The following PCDHA1 variants were observed in gnomAD, a reference collection of about 807,000 sequenced individuals.
PCDHA1 encodes the protein protocadherin alpha-1.
In PCDHA1, 42 loss-of-function variants were observed where a neutral mutation model predicts 61.3. The observed-to-expected ratio is 0.69, with a 90% CI of 0.54 to 0.89. PCDHA1 has a LOEUF of 0.89. PCDHA1 is among the 40% of genes least tolerant of loss of function. The pLI, the probability that PCDHA1 is intolerant of heterozygous loss-of-function variation, is 0.00. For synonymous variants in PCDHA1, 610 were observed against 553.8 expected (o/e 1.10, Z -1.43); for missense variants, 1,256 against 1,235.3 (o/e 1.02, Z -0.25).
Position 140,988,156 on chromosome 5 carries a change from C to T in PCDHA1, c.2542+5593C>T, listed in dbSNP as rs546335543. Among the ~76,000 whole-genome samples, 7 of 152,172 alleles carry T rather than the reference C, an allele frequency of 4.6e-5. No individual in the cohort carries two copies. The South Asian group carries it at 1.5e-3, about 32-fold the overall frequency. On this transcript the variant is annotated intron_variant, in intron 3 of 3. Coordinates refer to ENST00000504120, the MANE Select transcript of PCDHA1 (RefSeq NM_018900.4). ...TAACCTGTTCAACCTCAACTTCTGCCGTTGTCATAGCAATGACAGTCCTGG... is the reference window on the plus strand; with the variant it reads ...TAACCTGTTCAACCTCAACTTCTGCTGTTGTCATAGCAATGACAGTCCTGG...
intron 1 of PCDHA1, chr5:140,851,314 C>G (rs1276562311): frequency 1.0e-6 from 1 of 997,874 alleles, no homozygotes; most frequent in Non-Finnish European, 1.2e-6. Context: ...CAATTGTTAC[C>G]TTGTTAAGTT....
intron 1 of PCDHA1, chr5:140,801,674 T>C (rs1554121626): frequency 6.2e-7 from 1 of 1,614,236 alleles, no homozygotes; most frequent in Non-Finnish European, 8.5e-7. Context: ...GCGCATCAGA[T>C]GCAGATATCG....
At chr5:140,983,138 G>C (rs1217034245) in intron 3 of PCDHA1, among the ~76,000 whole-genome samples, 1 of 152,170 alleles carries the variant, frequency 6.6e-6, no homozygotes, top group Non-Finnish European at 1.5e-5. Flanking sequence ...CTGACTTTTA[G>C]TGCCTTGGCA....
chr5:140,832,356 T>A (rs1012512842), intron 1 of PCDHA1, among the ~76,000 whole-genome samples: 1 of 152,250 alleles, frequency 6.6e-6, no homozygotes, highest in East Asian at 1.9e-4. Flanking sequence ...TGTTTCCTAA[T>A]GTGAGCATTT....
chr5:140,889,868 G>A (rs905154258), intron 1 of PCDHA1, among the ~76,000 whole-genome samples: 2 of 152,136 alleles, frequency 1.3e-5, no homozygotes, highest in African/African-American at 4.8e-5. Context: ...TTTGGGGGAA[G>A]CCTGCCACCA....
chr5:140,845,778 A>G (rs190937688), intron 1 of PCDHA1, among the ~76,000 whole-genome samples: 1 of 149,842 alleles, frequency 6.7e-6, no homozygotes, highest in East Asian at 1.9e-4. Context: ...GTTATAAATT[A>G]TTAATAATAA....
intron 1 of PCDHA1, among the ~76,000 whole-genome samples, chr5:140,944,623 T>G (rs535315515): frequency 2.0e-5 from 3 of 152,202 alleles, no homozygotes; most frequent in Non-Finnish European, 4.4e-5. Flanking sequence ...AGAAGTATAG[T>G]GTTGTAAGCC....
chr5:140,884,057 G>A (rs141156800), intron 1 of PCDHA1: 6 of 1,613,540 alleles, frequency 3.7e-6, no homozygotes, highest in Non-Finnish European at 5.1e-6. Context: ...GGTGCGCGCG[G>A]TGGACGCCGA....
chr5:140,822,047 G>A, intron 1 of PCDHA1: 3 of 1,614,218 alleles, frequency 1.9e-6, no homozygotes, highest in Non-Finnish European at 2.5e-6. Context: ...CGGATCGACC[G>A]GGAGGAGCTG....
At chr5:140,823,307 C>G in intron 1 of PCDHA1, 1 of 1,612,266 alleles carries the variant, frequency 6.2e-7, no homozygotes, top group Non-Finnish European at 8.5e-7. Context: ...TCGGTGCACG[C>G]GGAGAGCGGC....
Position 140,788,417 on chromosome 5 carries a change from C to A in PCDHA1, c.2127C>A (p.Ser709Arg). 1.2e-6 allele frequency: 2 copies of A among 1,614,114 alleles called. No individual in the cohort carries two copies. The highest frequency in any genetic ancestry group is 1.7e-6 in the Non-Finnish European group (2 of 1,179,986). Residue 709 changes from serine (S) to arginine (R), a missense_variant, in exon 1 of 4, where the codon AGC (serine) becomes AGA (arginine). By Grantham distance (110) the Ser-to-Arg change is moderately radical. Transcript: ENST00000504120. ...YLIIAICAVS[S>R]LLVLTLLLYT... ...TCATCGCCATCTGCGCGGTGTCCAGCCTGCTGGTGCTCACACTGCTGCTGT... is the reference window on the plus strand; with the variant it reads ...TCATCGCCATCTGCGCGGTGTCCAGACTGCTGGTGCTCACACTGCTGCTGT...
At position 140,853,954 on chromosome 5, in the gene PCDHA1, C is replaced by G. The variant is rs889937140; in HGVS notation, c.2394+65270C>G. The G allele has an allele frequency of 6.5e-5, 49 of 756,134 alleles. 3 individuals are homozygous for G. In the Middle Eastern group the frequency reaches 2.0e-3, roughly 31 times the overall value. The allele number at this position is 756,134 out of a possible 1,614,324, so 46.8% of individuals were successfully genotyped here. On this transcript the variant is annotated intron_variant, in intron 1 of 3. Coordinates refer to ENST00000504120, the MANE Select transcript of PCDHA1 (RefSeq NM_018900.4). The stretch of plus-strand genomic sequence containing the variant: ...GAGGCCAAGGTGGGAGGGTCCCTTC[C>G]TTGAGCCCAGCAGTTTGAGACCAAT...
intron 1 of PCDHA1, chr5:140,852,235 C>A: frequency 1.8e-6 from 1 of 570,324 alleles, no homozygotes; most frequent in Non-Finnish European, 2.3e-6. Flanking sequence ...TAAATTTTCC[C>A]TTAAAACACA....
intron 1 of PCDHA1, chr5:140,843,852 T>C: frequency 2.1e-6 from 2 of 964,906 alleles, no homozygotes; most frequent in Non-Finnish European, 3.1e-6. Flanking sequence ...AAACCTTTTA[T>C]AATTAATTGA....
rs1488505557 is a variant in PCDHA1 at position 140,967,448 on chromosome 5, A to G, written c.2395-11501A>G. The G allele has an allele frequency of 6.8e-6, 11 of 1,613,462 alleles. No individual in the cohort carries two copies. Among genetic ancestry groups the G allele is most frequent in the Non-Finnish European group, 9.3e-6 (11 of 1,179,888 alleles). On this transcript the variant is annotated intron_variant, in intron 1 of 3. Transcript: ENST00000504120. ...GGCAGCCTTGCACCACCTGGTTCTC[A>G]CAGCCGTGGATGGGGGCATCCCAGC...
At chr5:140,891,025 T>G (rs1554184622) in intron 1 of PCDHA1, among the ~76,000 whole-genome samples, 1 of 151,814 alleles carries the variant, frequency 6.6e-6, no homozygotes, top group African/African-American at 2.4e-5. Flanking sequence ...TCTGAGGGTA[T>G]AATCTTAGGT....
intron 3 of PCDHA1, among the ~76,000 whole-genome samples, chr5:140,989,263 A>G (rs2097334941): frequency 6.6e-6 from 1 of 152,146 alleles, no homozygotes; most frequent in South Asian, 2.1e-4. Flanking sequence ...GGGAGATTCA[A>G]GTTTCTGCTG....
intron 1 of PCDHA1, among the ~76,000 whole-genome samples, chr5:140,897,022 A>G (rs1009125089): frequency 2.6e-5 from 4 of 152,142 alleles, no homozygotes; most frequent in Non-Finnish European, 2.9e-5. Flanking sequence ...CAACTAAATT[A>G]TTTAGACCAT....
At chr5:140,882,556 T>A (rs367760301) in intron 1 of PCDHA1, 11 of 1,614,194 alleles carry the variant, frequency 6.8e-6, no homozygotes, top group Non-Finnish European at 9.3e-6. Flanking sequence ...AGGAGCTGTG[T>A]GGGCGGAGCG....
Sources: allele counts gnomAD v4.1 joint callset (sites outside exome capture counted in the v4.1 genomes callset), GRCh38; gene constraint gnomAD v4.1.1; transcripts MANE v1.5; gene names NCBI Gene and HGNC (gene_info 2026-07-23, HGNC 2026-07-21).